Variants in CDH23 observed in about 807,000 individuals in gnomAD.
CDH23 encodes cadherin related 23, also known as cadherin-23.
CDH23 carries 189 observed loss-of-function variants against 317.1 expected under a neutral mutation model. The ratio of observed to expected loss-of-function variants is 0.60; its 90% CI spans 0.53 to 0.67. The LOEUF (loss-of-function observed/expected upper bound fraction) is 0.67. Among genes scored for constraint, CDH23 ranks in the 30% least tolerant of loss-of-function variants. CDH23 has a pLI of 0.00. For missense variants in CDH23, 4,401 were observed against 4,592.4 expected (o/e 0.96, Z 1.20); for synonymous variants, 1,839 against 1,876.8 (o/e 0.98, Z 0.52).
Position 71,810,366 on chromosome 10 carries a change from G to A in CDH23, c.8980-106G>A, listed in dbSNP as rs1484052372. The A allele has an allele frequency of 1.8e-5, 19 of 1,030,698 alleles. No homozygotes were observed. In the East Asian group the frequency reaches 4.6e-4, roughly 25 times the overall value. The allele number at this position is 1,030,698 out of a possible 1,614,324, so 63.8% of individuals were successfully genotyped here. On this transcript the variant is annotated intron_variant, in intron 61 of 69. Coordinates refer to ENST00000224721, the MANE Select transcript of CDH23 (RefSeq NM_022124.6). ...AAACATTCAAACATTCAGTAGTGAA[G>A]GGTCTATTTGCAGGGAAGGGCAGAA...
chr10:71,751,572 C>T lies in CDH23; in HGVS notation c.4845+9651C>T, dbSNP rs537724319. 8.4e-4 allele frequency: 1,174 copies of T among 1,393,626 alleles called. 8 individuals carry two copies. In the African/African-American group the frequency reaches 0.014, roughly 17 times the overall value. The allele number at this position is 1,393,626 out of a possible 1,614,324, so 86.3% of individuals were successfully genotyped here. On this transcript the variant is annotated intron_variant, in intron 38 of 69. Coordinates refer to ENST00000224721, the MANE Select transcript of CDH23 (RefSeq NM_022124.6). This position sits in a 1 kb window ranked among gnomAD's most constrained non-coding sequence, Gnocchi z 4.9. ...AACCCCACCCCGTGAGGCCGTGGAA[C>T]TCTTCAGGGAGGGCAGGGAGTGAGG...
intron 20 of CDH23, among the ~76,000 whole-genome samples, chr10:71,691,889 G>A (rs1865199371): frequency 1.3e-5 from 2 of 152,170 alleles, no homozygotes; most frequent in Admixed American, 1.3e-4. Flanking sequence ...CAGATGGCCG[G>A]TGCTGATGGG....
intron 28 of CDH23, among the ~76,000 whole-genome samples, chr10:71,718,179 A>G (rs916225583): frequency 6.6e-6 from 1 of 152,206 alleles, no homozygotes; most frequent in African/African-American, 2.4e-5. Flanking sequence ...GGAGGAGGAA[A>G]GATGTCAGGT....
chr10:71,528,286 G>A (rs183269494), intron 6 of CDH23, among the ~76,000 whole-genome samples: 1 of 152,182 alleles, frequency 6.6e-6, no homozygotes, highest in African/African-American at 2.4e-5. Flanking sequence ...CTTGGGTCTC[G>A]GTGTTCTCTC....
chr10:71,807,758 T>C lies in CDH23; in HGVS notation c.8551T>C (p.Tyr2851His). ...DQPPRFTKAE[Y>H]TAGVATDAKV... is the part of the protein sequence containing the mutation. ...GCCACCACGCTTCACCAAGGCTGAGTACACTGCAGGTGCAGGGACTGGAGC... is the reference window on the plus strand; with the variant it reads ...GCCACCACGCTTCACCAAGGCTGAGCACACTGCAGGTGCAGGGACTGGAGC... Residue 2851 changes from tyrosine to histidine, a missense_variant, in exon 59 of 70, where the codon TAC becomes CAC. Tyr to His is a moderately conservative substitution (Grantham distance 83). Around this residue, in one of 3 missense-constraint regions of CDH23, gnomAD observed 1,144 missense variants for 1,138.2 expected, o/e 1.01. Coordinates refer to ENST00000224721, the MANE Select transcript of CDH23 (RefSeq NM_022124.6). 1 of 1,602,018 alleles carries C rather than the reference T, an allele frequency of 6.2e-7. No individual in the cohort carries two copies. Among genetic ancestry groups the C allele is most frequent in the Non-Finnish European group, 8.5e-7 (1 of 1,174,074 alleles).
At chr10:71,660,703 A>T (rs1408437505) in intron 14 of CDH23, among the ~76,000 whole-genome samples, 3 of 152,244 alleles carry the variant, frequency 2.0e-5, no homozygotes, top group Non-Finnish European at 4.4e-5. Flanking sequence ...CCTTAAAAAA[A>T]AAAAATCAGT....
intron 3 of CDH23, among the ~76,000 whole-genome samples, chr10:71,462,372 G>C (rs1200711987): frequency 6.6e-6 from 1 of 152,256 alleles, no homozygotes; most frequent in Non-Finnish European, 1.5e-5. Flanking sequence ...ACCGCCATCT[G>C]CTTTAGAGGG....
At chr10:71,664,923 C>T (rs1362310034) in intron 14 of CDH23, among the ~76,000 whole-genome samples, 1 of 152,058 alleles carries the variant, frequency 6.6e-6, no homozygotes, top group Non-Finnish European at 1.5e-5. Flanking sequence ...CCCCCAGCCC[C>T]CATCATCATC....
At chr10:71,523,492 G>A (rs1469798749) in intron 6 of CDH23, among the ~76,000 whole-genome samples, 6 of 152,180 alleles carry the variant, frequency 3.9e-5, no homozygotes, top group East Asian at 3.8e-4. Context: ...CTATTGGGGC[G>A]GAAAGCTCTA....
rs1850165572 is a variant in CDH23, at chr10:71,446,332, C to T, written c.82C>T (p.Leu28=). 1.9e-6 allele frequency: 3 copies of T among 1,613,910 alleles called. No individual in the cohort carries two copies. Among genetic ancestry groups the T allele is most frequent in the East Asian group, 2.2e-5 (1 of 44,902 alleles). ...CTGACTTCCAGGCCAGGTGAACCGG[C>T]TGCCCTTCTTCACCAACCACTTCTT... The part of the protein sequence containing the change: ...ISGCWGQVNR[L]PFFTNHFFDT... The change falls in exon 3 of 70, where the codon CTG becomes TTG. Residue 28 remains leucine, a synonymous_variant. Transcript: ENST00000224721.
At chr10:71,754,312 C>CCG (rs61434590) in intron 38 of CDH23, among the ~76,000 whole-genome samples, 2 of 152,130 alleles carry the variant, frequency 1.3e-5, no homozygotes, top group African/African-American at 4.8e-5. Flanking sequence ...GAGTGACCCA[C>CCG]TATGGGGCTT....
intron 41 of CDH23, among the ~76,000 whole-genome samples, chr10:71,779,751 C>T (rs894355920): frequency 6.6e-6 from 1 of 152,234 alleles, no homozygotes; most frequent in Admixed American, 6.5e-5. Context: ...GGCCCCAGGG[C>T]AGACGAGGGA....
At chr10:71,730,132 C>T (rs189914446) in intron 30 of CDH23, among the ~76,000 whole-genome samples, 3 of 152,268 alleles carry the variant, frequency 2.0e-5, no homozygotes, top group Admixed American at 2.0e-4. Context: ...CCACCGCGCC[C>T]GGCCGAATTA....
intron 6 of CDH23, among the ~76,000 whole-genome samples, chr10:71,525,488 T>G (rs1854986029): frequency 3.3e-5 from 5 of 152,148 alleles, no homozygotes; most frequent in African/African-American, 7.2e-5. Context: ...TGGTGGTTTT[T>G]GGGAACAATC....
chr10:71,607,641 G>A (rs546267459), intron 9 of CDH23, among the ~76,000 whole-genome samples: 2 of 152,218 alleles, frequency 1.3e-5, no homozygotes, highest in African/African-American at 2.4e-5. Context: ...GGTGGCTCAC[G>A]CCTGTAATCC....
intron 3 of CDH23, among the ~76,000 whole-genome samples, chr10:71,501,397 G>A (rs1357532030): frequency 6.6e-6 from 1 of 152,186 alleles, no homozygotes; most frequent in Non-Finnish European, 1.5e-5. Flanking sequence ...TGGCCTGTGG[G>A]CTTTGAAGGT....
chr10:71,786,922 G>A (rs1037979106), intron 44 of CDH23, among the ~76,000 whole-genome samples: 6 of 152,014 alleles, frequency 3.9e-5, no homozygotes, highest in African/African-American at 1.5e-4. Context: ...TGGGCTTAGG[G>A]GCTAAGCCCC....
intron 6 of CDH23, among the ~76,000 whole-genome samples, chr10:71,517,232 T>G (rs2132220387): frequency 6.6e-6 from 1 of 152,324 alleles, no homozygotes; most frequent in South Asian, 2.1e-4. Flanking sequence ...TGAGGAGCGG[T>G]GAGGCCTAGC....
intron 3 of CDH23, among the ~76,000 whole-genome samples, chr10:71,488,783 G>A (rs1346505613): frequency 6.6e-6 from 1 of 152,098 alleles, no homozygotes; most frequent in Non-Finnish European, 1.5e-5. Flanking sequence ...ATCCCTAGTG[G>A]CATTGACTAA....
Sources: allele counts gnomAD v4.1 joint callset (sites outside exome capture counted in the v4.1 genomes callset), GRCh38; gene constraint gnomAD v4.1.1; regional missense constraint gnomAD v4.1.1; non-coding constraint Gnocchi (gnomAD v3.1); transcripts MANE v1.5; gene names NCBI Gene and HGNC (gene_info 2026-07-23, HGNC 2026-07-21).